Variants in OR7G2 observed in about 807,000 individuals in gnomAD.
OR7G2 encodes the protein olfactory receptor family 7 subfamily G member 2.
For missense variants in OR7G2, 362 were observed against 384.0 expected (o/e 0.94, Z 0.48); for synonymous variants, 153 against 152.2 (o/e 1.01, Z -0.04).
chr19:9,102,532 C>T lies in OR7G2; in HGVS notation c.712G>A (p.Val238Ile). The T allele has an allele frequency of 6.2e-7, 1 of 1,614,184 alleles. No homozygotes were observed. The highest frequency in any genetic ancestry group is 8.5e-7 in the Non-Finnish European group (1 of 1,180,030). The change falls in exon 2 of 2, where the codon GTT becomes ATT. Residue 238 changes from valine (V) to isoleucine (I), a missense_variant. Transcript: ENST00000641081. ...GAGAGGTGAGACCCACAGGTGGAAA[C>T]TGCTTTGTGCTTTCCACTTGCTGAT... ...MPSASGKHKA[V>I]STCGSHLSIV...
Position 9,102,349 on chromosome 19 carries a change from C to A in OR7G2, c.895G>T (p.Gly299Ter). ...IYSLRNKDMK[G>*]TLRKFIGRIP... is the part of the protein sequence containing the mutation. ...CTCCCTATGAACTTCCTCAAGGTTCCTTTCATGTCCTTATTCCTCAGACTA... is the reference window on the plus strand; with the variant it reads ...CTCCCTATGAACTTCCTCAAGGTTCATTTCATGTCCTTATTCCTCAGACTA... Residue 299 changes from glycine to a stop codon, truncating the protein, a stop_gained, in exon 2 of 2, where the codon GGA becomes TGA. Coordinates refer to ENST00000641081, the MANE Select transcript of OR7G2 (RefSeq NM_001005193.2). LOFTEE classifies it low-confidence loss of function (END_TRUNC). 1.2e-6 allele frequency: 2 copies of A among 1,613,930 alleles called. No homozygotes were observed. The highest frequency in any genetic ancestry group is 1.7e-6 in the Non-Finnish European group (2 of 1,179,818).
chr19:9,103,003 T>A lies in OR7G2; in HGVS notation c.241A>T (p.Met81Leu). The A allele has an allele frequency of 6.2e-7, 1 of 1,614,144 alleles. No individual in the cohort carries two copies. The highest frequency in any genetic ancestry group is 8.5e-7 in the Non-Finnish European group (1 of 1,180,024). Residue 81 changes from methionine to leucine, a missense_variant, in exon 2 of 2, where the codon ATG becomes TTG. Transcript: ENST00000641081. ...TTCTGAGCTTGGATGTTCACCAGCA[T>A]CTTTGGGATCGTGGTTGTGCTTAAA... Reference protein sequence around the residue: ...ICLSTTTIPKMLVNIQAQNRS... With the variant: ...ICLSTTTIPKLLVNIQAQNRS...
In OR7G2 at chr19:9,102,637, C is replaced by G; in HGVS notation, c.607G>C (p.Ala203Pro). The change falls in exon 2 of 2, where the codon GCT (alanine) becomes CCT (proline). Residue 203 changes from alanine (A) to proline (P), a missense_variant. By Grantham distance (27) the Ala-to-Pro change is conservative. Coordinates refer to ENST00000641081, the MANE Select transcript of OR7G2 (RefSeq NM_001005193.2). Reference sequence around the variant, plus strand: ...AGAGGAACACCACCAAATATGCAAGCTGCAAAATATATCAGGATGTTATTG... The same window carrying G: ...AGAGGAACACCACCAAATATGCAAGGTGCAAAATATATCAGGATGTTATTG... ...LINNILIYFA[A>P]CIFGGVPLSG... 6.2e-7 allele frequency: 1 copy of G among 1,614,144 alleles called. No individual in the cohort carries two copies. The highest frequency in any genetic ancestry group is 8.5e-7 in the Non-Finnish European group (1 of 1,180,028).
intron 1 of OR7G2, among the ~76,000 whole-genome samples, chr19:9,106,978 G>A (rs1302691915): frequency 1.3e-5 from 2 of 152,034 alleles, no homozygotes; most frequent in Non-Finnish European, 2.9e-5. Flanking sequence ...GCTGAGGCGG[G>A]AGTACAAGAG....
At chr19:9,106,441 AT>A (rs2050386700) in intron 1 of OR7G2, among the ~76,000 whole-genome samples, 3 of 137,512 alleles carry the variant, frequency 2.2e-5, no homozygotes, top group South Asian at 2.4e-4. Context: ...AAAAAAAAAA[AT>A]TCACACAATT....
Position 9,100,698 on chromosome 19 carries a change from C to T in OR7G2, c.*1571G>A, listed in dbSNP as rs2145909409. On this transcript the variant is annotated 3_prime_UTR_variant, in exon 2 of 2. Transcript: ENST00000641081. ...GTTGTCTAGGGAGAATATAGTTTAC[C>T]AGTGACTGGTCCCAGTAGTTACTAA... 1 of 152,208 alleles carries T rather than the reference C, an allele frequency of 6.6e-6. No homozygotes were observed. Among genetic ancestry groups the T allele is most frequent in the Admixed American group, 6.5e-5 (1 of 15,278 alleles). The allele number at this position is 152,208 out of a possible 1,614,324, so 9.4% of individuals were successfully genotyped here.
intron 1 of OR7G2, among the ~76,000 whole-genome samples, chr19:9,103,524 T>G (rs80038600): frequency 0.32 from 43,164 of 134,940 alleles, 7,193 homozygotes; most frequent in East Asian, 0.6. Context: ...TTTTTTTTTT[T>G]GAGACAGGGT....
chr19:9,103,048 G>A lies in OR7G2; in HGVS notation c.196C>T (p.Leu66Phe), dbSNP rs2050364521. ...HTPMYFFLSN[L>F]SFLDICLSTT... ...CTTAAACAAATGTCCAAAAAGGAGA[G>A]ATTGGAGAGGAAGAAGTACATGGGG... The change falls in exon 2 of 2, where the codon CTC becomes TTC. Residue 66 changes from leucine (L) to phenylalanine (F), a missense_variant. Transcript: ENST00000641081. The A allele has an allele frequency of 6.2e-7, 1 of 1,614,102 alleles. No individual in the cohort carries two copies. The highest frequency in any genetic ancestry group is 1.7e-5 in the Admixed American group (1 of 59,990).
Position 9,102,699 on chromosome 19 carries a change from G to A in OR7G2, c.545C>T (p.Ala182Val), listed in dbSNP as rs372179793. 44 of 1,614,004 alleles carry A rather than the reference G, an allele frequency of 2.7e-5. No individual in the cohort carries two copies. The African/African-American group carries it at 4.8e-4, about 18-fold the overall frequency. ...TGAACAGGTGAGTTGGATGACCTGA[G>A]CCAGTTCACAGAAGAAGAGCGGGAT... ...LEIPLFFCEL[A>V]QVIQLTCSDT... Residue 182 changes from alanine (A) to valine (V), a missense_variant, in exon 2 of 2, where the codon GCT becomes GTT. Coordinates refer to ENST00000641081, the MANE Select transcript of OR7G2 (RefSeq NM_001005193.2).
chr19:9,101,348 C>T lies in OR7G2; in HGVS notation c.*921G>A, dbSNP rs1217675833. On this transcript the variant is annotated 3_prime_UTR_variant, in exon 2 of 2. Coordinates refer to ENST00000641081, the MANE Select transcript of OR7G2 (RefSeq NM_001005193.2). The stretch of plus-strand genomic sequence containing the variant: ...AAACAAAAAACCAAAAATACATTTT[C>T]CTGACCTATCCTCCTGAACTATCTA... 1 of 151,890 alleles carries T rather than the reference C, an allele frequency of 6.6e-6. No homozygotes were observed. The highest frequency in any genetic ancestry group is 1.5e-5 in the Non-Finnish European group (1 of 68,030). 9.4% of individuals were successfully genotyped at this position (151,890 alleles called of 1,614,324 possible).
rs747647612 is a variant in OR7G2, at chr19:9,103,059, A to C, written c.185T>G (p.Phe62Cys). 6.2e-7 allele frequency: 1 copy of C among 1,614,066 alleles called. No individual in the cohort carries two copies. Among genetic ancestry groups the C allele is most frequent in the Non-Finnish European group, 8.5e-7 (1 of 1,180,020 alleles). The change falls in exon 2 of 2, where the codon TTC becomes TGC. Residue 62 changes from phenylalanine (F) to cysteine (C), a missense_variant. Transcript: ENST00000641081. Reference protein sequence around the residue: ...DSHLHTPMYFFLSNLSFLDIC... With the variant: ...DSHLHTPMYFCLSNLSFLDIC... ...GTCCAAAAAGGAGAGATTGGAGAGG[A>C]AGAAGTACATGGGGGTGTGGAGGTG...
intron 1 of OR7G2, among the ~76,000 whole-genome samples, chr19:9,105,915 AAGAGAAAGAGAG>A (rs2050383230): frequency 6.6e-6 from 1 of 151,864 alleles, no homozygotes; most frequent in Non-Finnish European, 1.5e-5. Context: ...GAGAGAAGGG[AAGAGAAAGAGAG>A]AGAAAAAGAA....
chr19:9,105,521 G>A (rs995931767), intron 1 of OR7G2, among the ~76,000 whole-genome samples: 4 of 151,918 alleles, frequency 2.6e-5, no homozygotes, highest in Non-Finnish European at 5.9e-5. Flanking sequence ...TGCAAAAAAG[G>A]CTTTTAATAA....
intron 1 of OR7G2, among the ~76,000 whole-genome samples, chr19:9,104,784 G>A (rs983614278): frequency 4.0e-5 from 6 of 151,454 alleles, no homozygotes; most frequent in Non-Finnish European, 7.4e-5. Context: ...CCGAGATCGC[G>A]CCACTGCACT....
chr19:9,102,159 G>C lies in OR7G2; in HGVS notation c.*110C>G. The C allele has an allele frequency of 1.0e-6, 1 of 966,572 alleles. No individual in the cohort carries two copies. Among genetic ancestry groups the C allele is most frequent in the Non-Finnish European group, 1.5e-6 (1 of 655,594 alleles). The allele number at this position is 966,572 out of a possible 1,614,324, so 59.9% of individuals were successfully genotyped here. On this transcript the variant is annotated 3_prime_UTR_variant, in exon 2 of 2. Coordinates refer to ENST00000641081, the MANE Select transcript of OR7G2 (RefSeq NM_001005193.2). The stretch of plus-strand genomic sequence containing the variant: ...GGAAGTTGCAGTGAGCCGAGGTCGT[G>C]CCATTGCACTCCAGCCTGGGAGACA...
chr19:9,101,121 T>C lies in OR7G2; in HGVS notation c.*1148A>G, dbSNP rs2050351540. 6.6e-6 allele frequency: 1 copy of C among 152,018 alleles called. No individual in the cohort carries two copies. The highest frequency in any genetic ancestry group is 2.1e-4 in the South Asian group (1 of 4,828). 9.4% of individuals were successfully genotyped at this position (152,018 alleles called of 1,614,324 possible). A position where few individuals can be genotyped will look rare whatever the true frequency, so the allele number is the denominator to read the frequency against. On this transcript the variant is annotated 3_prime_UTR_variant, in exon 2 of 2. Coordinates refer to ENST00000641081, the MANE Select transcript of OR7G2 (RefSeq NM_001005193.2). ...ATGATCATGTCATTGCATTCCAGCC[T>C]AGGTGACAAAGCAAGACCCTGTCTA...
intron 1 of OR7G2, among the ~76,000 whole-genome samples, chr19:9,106,057 C>A (rs2050384040): frequency 1.3e-5 from 2 of 152,146 alleles, no homozygotes; most frequent in South Asian, 4.2e-4. Context: ...ATAGATTATT[C>A]ATGTGTGAAT....
rs901387494 is a variant in OR7G2 at position 9,100,613 on chromosome 19, C to T, written c.*1656G>A. ...AATATCTCACAATAATCTCAAATCA[C>T]TAAGATAATCTAATCATGCTAATTT... is the stretch of plus-strand genomic sequence containing the variant. On this transcript the variant is annotated 3_prime_UTR_variant, in exon 2 of 2. Transcript: ENST00000641081. The T allele has an allele frequency of 6.6e-6, 1 of 152,150 alleles. No individual in the cohort carries two copies. Among genetic ancestry groups the T allele is most frequent in the Non-Finnish European group, 1.5e-5 (1 of 68,034 alleles). 9.4% of individuals were successfully genotyped at this position (152,150 alleles called of 1,614,324 possible). A position where few individuals can be genotyped will look rare whatever the true frequency, so the allele number is the denominator to read the frequency against.
chr19:9,103,695 T>G (rs373593996), intron 1 of OR7G2, among the ~76,000 whole-genome samples: 1,467 of 146,648 alleles, frequency 0.01, 27 homozygotes, highest in African/African-American at 0.034. Flanking sequence ...GTGTGTGTGT[T>G]TTTAGTAGAG....
Sources: allele counts gnomAD v4.1 joint callset (sites outside exome capture counted in the v4.1 genomes callset), GRCh38; gene constraint gnomAD v4.1.1; transcripts MANE v1.5; gene names NCBI Gene and HGNC (gene_info 2026-07-23, HGNC 2026-07-21).